The following PDE9A variants were observed in gnomAD, a reference collection of about 807,000 sequenced individuals.
PDE9A encodes the protein high affinity cGMP-specific 3',5'-cyclic phosphodiesterase 9A.
A neutral mutation model predicts 87.4 loss-of-function variants in PDE9A; 60 were observed. The observed-to-expected ratio is 0.69, with a 90% CI of 0.56 to 0.85. The LOEUF (loss-of-function observed/expected upper bound fraction) is 0.85. PDE9A is among the 40% of genes least tolerant of loss of function. PDE9A has a pLI of 0.00. For missense variants in PDE9A, 665 were observed against 779.0 expected, an observed-to-expected ratio of 0.85 and a Z score of 1.74; for synonymous variants, 272 against 279.4, an observed-to-expected ratio of 0.97 and a Z score of 0.27.
intron 1 of PDE9A, among the ~76,000 whole-genome samples, chr21:42,682,770 C>T (rs1424665241): frequency 6.6e-6 from 1 of 152,232 alleles, no homozygotes; most frequent in Non-Finnish European, 1.5e-5. Flanking sequence ...CAGTCACCCT[C>T]GGCCCCTCAA....
At chr21:42,770,825 T>G (rs1316835778) in intron 18 of PDE9A, 27 bp downstream of exon 18, 3 of 1,572,460 alleles carry the variant, frequency 1.9e-6, no homozygotes. Flanking sequence ...AGAGCCTGCC[T>G]TCCTTGCGGC....
At chr21:42,736,804 C>A (rs1320747547) in intron 7 of PDE9A, among the ~76,000 whole-genome samples, 1 of 152,226 alleles carries the variant, frequency 6.6e-6, no homozygotes, top group East Asian at 1.9e-4. Flanking sequence ...CATGTCCAGA[C>A]AGGCTGTCCT....
chr21:42,732,051 TTTC>T lies in PDE9A; in HGVS notation c.443-13_443-11del, dbSNP rs2051843396. 6.2e-7 allele frequency: 1 copy of T among 1,613,904 alleles called. No homozygotes were observed. The highest frequency in any genetic ancestry group is 2.2e-5 in the East Asian group (1 of 44,902). ...TCCTCTTGTCCGTGTTCCATCTGTC[TTTC>T]TTCTTTGGTTTGTAGAGAGAGAAGA... is the stretch of plus-strand genomic sequence containing the variant. On this transcript the variant is annotated splice_polypyrimidine_tract_variant and intron_variant, in intron 5 of 19. Coordinates refer to ENST00000291539, the MANE Select transcript of PDE9A (RefSeq NM_002606.3).
chr21:42,769,480 AC>A, intron 17 of PDE9A, among the ~76,000 whole-genome samples: 1 of 9,158 alleles, frequency 1.1e-4, no homozygotes, highest in Admixed American at 6.8e-4. Flanking sequence ...GCATGCAGGT[AC>A]ACATGCACAC....
At chr21:42,718,768 G>A (rs983844525) in intron 4 of PDE9A, among the ~76,000 whole-genome samples, 1 of 151,398 alleles carries the variant, frequency 6.6e-6, no homozygotes, top group Non-Finnish European at 1.5e-5. Flanking sequence ...AAGCGTCCAG[G>A]GTGTCTGAGG....
At chr21:42,678,427 C>T (rs1041062318) in intron 1 of PDE9A, among the ~76,000 whole-genome samples, 21 of 152,322 alleles carry the variant, frequency 1.4e-4, no homozygotes, top group African/African-American at 5.1e-4. Flanking sequence ...TCCTGCCTGG[C>T]TCCTCCGCAG....
At chr21:42,719,972 G>A (rs546409633) in intron 4 of PDE9A, among the ~76,000 whole-genome samples, 1 of 152,276 alleles carries the variant, frequency 6.6e-6, no homozygotes, top group South Asian at 2.1e-4. Context: ...AGTCTATGGG[G>A]TCATTTGGCA....
At chr21:42,670,163 AC>A (rs2058331483) in intron 1 of PDE9A, among the ~76,000 whole-genome samples, 1 of 150,706 alleles carries the variant, frequency 6.6e-6, no homozygotes, top group Non-Finnish European at 1.5e-5. Flanking sequence ...ACACGCACAC[AC>A]ATTCACACGC....
intron 16 of PDE9A, chr21:42,768,554 C>T: frequency 1.6e-6 from 2 of 1,284,902 alleles, no homozygotes; most frequent in Non-Finnish European, 9.8e-7. Flanking sequence ...TTATTACAAG[C>T]AGCCTTGTCA....
In PDE9A at chr21:42,695,615, C is replaced by T. The variant is rs945091667; in HGVS notation, c.219-3353C>T. Among the ~76,000 whole-genome samples the T allele has an allele frequency of 8.5e-5, 13 of 152,218 alleles. No individual in the cohort carries two copies. Among genetic ancestry groups the T allele is most frequent in the African/African-American group, 2.9e-4 (12 of 41,450 alleles). On this transcript the variant is annotated intron_variant, in intron 3 of 19. Coordinates refer to ENST00000291539, the MANE Select transcript of PDE9A (RefSeq NM_002606.3). This position sits in a 1 kb window ranked among gnomAD's most constrained non-coding sequence, Gnocchi z 4.3. Reference sequence around the variant, plus strand: ...TCTGTGCATGCAGGGCCAGTATTCTCGGCCATTCTGGCTTAGAGAAAAGCT... The same window carrying T: ...TCTGTGCATGCAGGGCCAGTATTCTTGGCCATTCTGGCTTAGAGAAAAGCT...
At chr21:42,720,898 G>A (rs1013229389) in intron 4 of PDE9A, among the ~76,000 whole-genome samples, 5 of 151,940 alleles carry the variant, frequency 3.3e-5, no homozygotes, top group Non-Finnish European at 5.9e-5. Context: ...CCAGCTGCTC[G>A]GGAGGCTGAG....
Position 42,687,882 on chromosome 21 carries a change from A to G in PDE9A, c.141-35A>G, listed in dbSNP as rs749879124. Reference sequence around the variant, plus strand: ...TCAAGTGTACATCCCAGAGCACACTATGGGCGAAAACACGGGCTTGGGTGT... The same window carrying G: ...TCAAGTGTACATCCCAGAGCACACTGTGGGCGAAAACACGGGCTTGGGTGT... On this transcript the variant is annotated intron_variant, in intron 2 of 19. Transcript: ENST00000291539. 7 of 1,575,714 alleles carry G rather than the reference A, an allele frequency of 4.4e-6. No individual in the cohort carries two copies. The East Asian group carries it at 8.9e-5, about 20-fold the overall frequency.
Position 42,739,244 on chromosome 21 carries a change from G to A in PDE9A, c.569-4532G>A, listed in dbSNP as rs34610181. ...GGCAGAGCCGACGTCCAGGCTCCAC[G>A]GTAGGGCCGTCCTGCTGCTGTCTGC... On this transcript the variant is annotated intron_variant, in intron 7 of 19. Transcript: ENST00000291539. The surrounding 1 kb of genome is among the most constrained non-coding windows in gnomAD (Gnocchi z 4.1). 0.028 allele frequency among the ~76,000 whole-genome samples: 4,247 copies of A among 152,314 alleles called. 86 individuals are homozygous for A. The highest frequency in any genetic ancestry group is 0.046 in the South Asian group (221 of 4,828).
chr21:42,713,889 T>C (rs1051235485), intron 4 of PDE9A, among the ~76,000 whole-genome samples: 1 of 134,480 alleles, frequency 7.4e-6, no homozygotes, highest in East Asian at 2.0e-4. Context: ...TTGTTAAAAC[T>C]TTTTTTTTAA....
intron 1 of PDE9A, among the ~76,000 whole-genome samples, chr21:42,670,575 CCACATACA>C (rs938852505): frequency 1.2e-4 from 18 of 151,706 alleles, no homozygotes; most frequent in African/African-American, 2.4e-4. Flanking sequence ...CATACACACA[CCACATACA>C]CGCATACACT....
intron 8 of PDE9A, among the ~76,000 whole-genome samples, chr21:42,748,141 C>G (rs2054058383): frequency 6.6e-6 from 1 of 152,254 alleles, no homozygotes; most frequent in South Asian, 2.1e-4. Flanking sequence ...AGGAGACTTA[C>G]AGAGACAGCA....
rs113117026 is a variant in PDE9A at position 42,775,427 on chromosome 21, C to CAA, written c.*146_*147dup. ...CTAAGAACCATTTTGTTCACTGATA[C>CAA]AAAAAAAAAAAAAGGAATTCATGAT... On this transcript the variant is annotated 3_prime_UTR_variant, in exon 20 of 20. Coordinates refer to ENST00000291539, the MANE Select transcript of PDE9A (RefSeq NM_002606.3). The CAA allele has an allele frequency of 4.4e-4, 184 of 414,502 alleles. No individual in the cohort carries two copies. The highest frequency in any genetic ancestry group is 7.3e-4 in the South Asian group (15 of 20,446). 25.7% of individuals were successfully genotyped at this position (414,502 alleles called of 1,614,324 possible). A position where few individuals can be genotyped will look rare whatever the true frequency, so the allele number is the denominator to read the frequency against.
chr21:42,772,406 C>T lies in PDE9A; in HGVS notation c.1687-33C>T. On this transcript the variant is annotated intron_variant, in intron 18 of 19. Transcript: ENST00000291539. Reference sequence around the variant, plus strand: ...AGACACTCCCCTGCTGTCTCCTGCTCCCTGACTTGGCCTTCTCTGTACTCT... The same window carrying T: ...AGACACTCCCCTGCTGTCTCCTGCTTCCTGACTTGGCCTTCTCTGTACTCT... 1.4e-6 allele frequency: 2 copies of T among 1,461,684 alleles called. 1 individual carries two copies. Among genetic ancestry groups the T allele is most frequent in the South Asian group, 2.4e-5 (2 of 84,842 alleles). 90.5% of individuals were successfully genotyped at this position (1,461,684 alleles called of 1,614,324 possible). A position where few individuals can be genotyped will look rare whatever the true frequency, so the allele number is the denominator to read the frequency against.
At chr21:42,672,908 C>G (rs2058641749) in intron 1 of PDE9A, among the ~76,000 whole-genome samples, 1 of 152,198 alleles carries the variant, frequency 6.6e-6, no homozygotes, top group African/African-American at 2.4e-5. Flanking sequence ...GTCCCATACT[C>G]TATTGAAACA....
Sources: gnomAD v4.1 joint callset for allele counts (sites outside exome capture counted in the v4.1 genomes callset) on GRCh38, gnomAD v4.1.1 for gene constraint, Gnocchi (gnomAD v3.1) non-coding constraint, MANE v1.5 for transcripts, NCBI Gene and HGNC (gene_info 2026-07-23, HGNC 2026-07-21) for gene names.